Variants in SMYD3 observed in about 807,000 individuals in gnomAD.
The protein encoded by SMYD3 is SET and MYND domain containing 3.
In SMYD3, 36 loss-of-function variants were observed where a neutral mutation model predicts 57.7. That is an observed-to-expected ratio of 0.62 (90% CI 0.48 to 0.82). SMYD3 has a LOEUF of 0.82. Ranked by LOEUF, SMYD3 falls within the 40% of genes least tolerant of loss-of-function variation. The pLI, the probability that SMYD3 is intolerant of heterozygous loss-of-function variation, is 0.00. For synonymous variants in SMYD3, 211 were observed against 195.0 expected (o/e 1.08, Z -0.68); for missense variants, 515 against 538.8 (o/e 0.96, Z 0.44).
chr1:246,237,419 T>C (rs2063530107), intron 5 of SMYD3, among the ~76,000 whole-genome samples: 1 of 152,216 alleles, frequency 6.6e-6, no homozygotes. Flanking sequence ...GTTCTATTAC[T>C]GTTATTACTA....
At chr1:245,881,004 T>TC (rs1201943602) in intron 8 of SMYD3, among the ~76,000 whole-genome samples, 1 of 91,990 alleles carries the variant, frequency 1.1e-5, no homozygotes, top group African/African-American at 2.7e-5. Context: ...ATACTTGCCC[T>TC]GGGTAGGCGG....
intron 5 of SMYD3, among the ~76,000 whole-genome samples, chr1:245,964,278 C>T (rs1463456634): frequency 6.6e-6 from 1 of 152,188 alleles, no homozygotes; most frequent in Non-Finnish European, 1.5e-5. Flanking sequence ...CCAAAACCTC[C>T]CACCAGGCCC....
intron 5 of SMYD3, among the ~76,000 whole-genome samples, chr1:245,977,481 C>G (rs1334082150): frequency 1.3e-5 from 2 of 152,138 alleles, no homozygotes; most frequent in African/African-American, 4.8e-5. Flanking sequence ...GAGCTTGAGA[C>G]CAGCCTGGGC....
chr1:246,255,927 A>AAGATAGAT (rs55974041), intron 5 of SMYD3, among the ~76,000 whole-genome samples: 7,236 of 120,994 alleles, frequency 0.06, 236 homozygotes, highest in African/African-American at 0.065. Context: ...CATAACTAAT[A>AAGATAGAT]AGATAGATAG....
At chr1:246,104,527 T>C (rs960037829) in intron 5 of SMYD3, among the ~76,000 whole-genome samples, 1 of 152,160 alleles carries the variant, frequency 6.6e-6, no homozygotes. Context: ...GAGAAGGTAC[T>C]GGCTGGTTCG....
At chr1:246,390,899 TTA>T (rs2066551416) in intron 1 of SMYD3, among the ~76,000 whole-genome samples, 1 of 151,928 alleles carries the variant, frequency 6.6e-6, no homozygotes, top group African/African-American at 2.4e-5. Flanking sequence ...AACAGATGAA[TTA>T]AAACGGTACA....
intron 10 of SMYD3, among the ~76,000 whole-genome samples, chr1:245,769,273 C>A (rs759324892): frequency 2.0e-5 from 3 of 152,162 alleles, no homozygotes; most frequent in East Asian, 1.9e-4. Flanking sequence ...CGAAGGAGGA[C>A]AACTAGACAC....
chr1:245,760,448 T>G (rs4654085), intron 11 of SMYD3, among the ~76,000 whole-genome samples: 5,132 of 152,170 alleles, frequency 0.034, 206 homozygotes, highest in Admixed American at 0.11. Flanking sequence ...GACTCACAGG[T>G]CACGTGAGCT....
At chr1:245,996,995 T>G (rs566038029) in intron 5 of SMYD3, among the ~76,000 whole-genome samples, 1 of 152,248 alleles carries the variant, frequency 6.6e-6, no homozygotes, top group Non-Finnish European at 1.5e-5. Flanking sequence ...ACGTCGCTGG[T>G]GCGGAACACC....
At chr1:246,071,187 T>C (rs1438683079) in intron 5 of SMYD3, among the ~76,000 whole-genome samples, 1 of 152,186 alleles carries the variant, frequency 6.6e-6, no homozygotes, top group Admixed American at 6.5e-5. Context: ...TGCAGATATA[T>C]ATACAATATG....
intron 5 of SMYD3, among the ~76,000 whole-genome samples, chr1:246,147,063 G>A (rs1477510862): frequency 1.3e-5 from 2 of 152,120 alleles, no homozygotes; most frequent in African/African-American, 2.4e-5. Context: ...TTGCGTTGGT[G>A]GCGGAAGCAC....
chr1:245,758,067 G>A (rs1161408508), intron 11 of SMYD3, among the ~76,000 whole-genome samples: 1 of 152,042 alleles, frequency 6.6e-6, no homozygotes, highest in Non-Finnish European at 1.5e-5. Context: ...AACATGAGAT[G>A]TCATTCTCCT....
intron 5 of SMYD3, among the ~76,000 whole-genome samples, chr1:246,214,028 T>C (rs1261364137): frequency 6.6e-6 from 1 of 152,172 alleles, no homozygotes; most frequent in Non-Finnish European, 1.5e-5. Context: ...AGGCAAAAGA[T>C]GGTCATGGTT....
intron 5 of SMYD3, among the ~76,000 whole-genome samples, chr1:246,174,972 A>T (rs2062409174): frequency 6.6e-6 from 1 of 152,230 alleles, no homozygotes; most frequent in Admixed American, 6.5e-5. Flanking sequence ...TTAGGTATTA[A>T]TGAGAGTGTG....
intron 5 of SMYD3, among the ~76,000 whole-genome samples, chr1:246,105,344 T>C (rs979971053): frequency 6.6e-6 from 1 of 151,102 alleles, no homozygotes; most frequent in African/African-American, 2.5e-5. Context: ...AATTTTCCTG[T>C]TGAGGATTAG....
rs185136876 is a variant in SMYD3 at position 246,432,721 on chromosome 1, C to T, written c.164+74333G>A. ...CTAAAGCATATTCCTACTCTAAAGG[C>T]AGCCTTCTATTTTACAGTGATCTTG... On this transcript the variant is annotated intron_variant, in intron 1 of 11. Transcript: ENST00000490107. Among the ~76,000 whole-genome samples, 25 of 152,328 alleles carry T rather than the reference C, an allele frequency of 1.6e-4. 1 individual carries two copies. The East Asian group carries it at 4.6e-3, about 28-fold the overall frequency.
At chr1:245,793,060 C>T (rs1198355898) in intron 10 of SMYD3, among the ~76,000 whole-genome samples, 7 of 122,286 alleles carry the variant, frequency 5.7e-5, no homozygotes, top group East Asian at 4.7e-4. Context: ...CCTGTAATCC[C>T]AGCACTTTGG....
chr1:246,163,566 C>T (rs1277525263), intron 5 of SMYD3, among the ~76,000 whole-genome samples: 2 of 151,634 alleles, frequency 1.3e-5, no homozygotes, highest in East Asian at 3.9e-4. Context: ...CTGGTTGATT[C>T]TTTTTTTTTC....
At chr1:246,114,629 C>T (rs372152779) in intron 5 of SMYD3, among the ~76,000 whole-genome samples, 2 of 152,070 alleles carry the variant, frequency 1.3e-5, no homozygotes. Flanking sequence ...AACTTGTTCT[C>T]GTTTTTGTTG....
Sources: allele counts gnomAD v4.1 joint callset (sites outside exome capture counted in the v4.1 genomes callset), GRCh38; gene constraint gnomAD v4.1.1; transcripts MANE v1.5; gene names NCBI Gene and HGNC (gene_info 2026-07-23, HGNC 2026-07-21).